The following MESP1 variants were observed in gnomAD, a reference collection of about 807,000 sequenced individuals.
The protein encoded by MESP1 is mesoderm posterior protein 1.
Under a neutral mutation model 15.2 loss-of-function variants are expected in MESP1, and 22 were observed. The observed-to-expected ratio is 1.45, with a 90% CI of 1.04 to 2.07. The LOEUF is 2.07. Among genes scored for constraint, MESP1 ranks in the 30% most tolerant of loss-of-function variants. MESP1 has a pLI of 0.00. For synonymous variants in MESP1, 216 were observed against 192.6 expected (o/e 1.12, Z -1.01); for missense variants, 484 against 411.9 (o/e 1.17, Z -1.51).
downstream of MESP1, among the ~76,000 whole-genome samples, chr15:89,747,305 C>G (rs1967990030): frequency 6.6e-6 from 1 of 152,196 alleles, no homozygotes. Flanking sequence ...TGCAAACCTA[C>G]CCACCTTGCC....
the MESP1 span, among the ~76,000 whole-genome samples, chr15:89,742,793 A>G: frequency 6.6e-6 from 1 of 152,146 alleles, no homozygotes; most frequent in East Asian, 1.9e-4. Context: ...TTGGCCTCCC[A>G]AAGTGCTGGG....
At chr15:89,732,622 C>G in the MESP1 span, among the ~76,000 whole-genome samples, 1 of 151,118 alleles carries the variant, frequency 6.6e-6, no homozygotes, top group Non-Finnish European at 1.5e-5. Context: ...TGGCCACACA[C>G]ACACACACAC....
chr15:89,736,108 TCAAA>T, the MESP1 span, among the ~76,000 whole-genome samples: 1 of 152,156 alleles, frequency 6.6e-6, no homozygotes, highest in Non-Finnish European at 1.5e-5. Flanking sequence ...GGGATGGGGC[TCAAA>T]CAGAGAGGTC....
At chr15:89,744,334 C>T in the MESP1 span, among the ~76,000 whole-genome samples, 16 of 152,310 alleles carry the variant, frequency 1.1e-4, no homozygotes, top group South Asian at 1.2e-3. Flanking sequence ...AAGGTATCCC[C>T]GCCTGAGACA....
rs1968092968 is a variant in MESP1 at position 89,751,131 on chromosome 15, C to T, written c.101G>A (p.Arg34His). ...TGAGTCTGGGGACGAGACGAGGGAG[C>T]GGCCGCAGTCCTTGTCGGAGGGCGG... ...RPPPSDKDCG[R>H]SLVSSPDSWG... is the part of the protein sequence containing the mutation. The change falls in exon 1 of 2, where the codon CGC becomes CAC. Residue 34 changes from arginine to histidine, a missense_variant. Coordinates refer to ENST00000300057, the MANE Select transcript of MESP1 (RefSeq NM_018670.4). 2 of 1,277,850 alleles carry T rather than the reference C, an allele frequency of 1.6e-6. No homozygotes were observed. The highest frequency in any genetic ancestry group is 3.2e-5 in the South Asian group (1 of 31,282). The allele number at this position is 1,277,850 out of a possible 1,614,324, so 79.2% of individuals were successfully genotyped here. A position where few individuals can be genotyped will look rare whatever the true frequency, so the allele number is the denominator to read the frequency against.
downstream of MESP1, among the ~76,000 whole-genome samples, chr15:89,745,863 C>T (rs1967930763): frequency 1.2e-5 from 1 of 80,130 alleles, no homozygotes; most frequent in Admixed American, 1.1e-4. This position sits in a 1 kb window ranked among gnomAD's most constrained non-coding sequence, Gnocchi z 4.8. Context: ...TTCCTCCCCA[C>T]AGGATCCACA....
In MESP1 at chr15:89,750,537, T is replaced by A; in HGVS notation, c.695A>T (p.Gln232Leu). ...GGACGGTGGGCTTGGCTCCATCGCC[T>A]GCCCTTCAGGGCACGCCGCCTCGGC... is the stretch of plus-strand genomic sequence containing the variant. ...LFAEAACPEG[Q>L]AMEPSPPSPL... Residue 232 changes from glutamine to leucine, a missense_variant, in exon 1 of 2, where the codon CAG (glutamine) becomes CTG (leucine). Transcript: ENST00000300057. 6.7e-7 allele frequency: 1 copy of A among 1,495,472 alleles called. No individual in the cohort carries two copies. The highest frequency in any genetic ancestry group is 8.8e-7 in the Non-Finnish European group (1 of 1,130,342). The allele number at this position is 1,495,472 out of a possible 1,614,324, so 92.6% of individuals were successfully genotyped here. A position where few individuals can be genotyped will look rare whatever the true frequency, so the allele number is the denominator to read the frequency against.
chr15:89,746,844 C>T (rs1292315734), downstream of MESP1, among the ~76,000 whole-genome samples: 2 of 147,546 alleles, frequency 1.4e-5, no homozygotes, highest in South Asian at 4.5e-4. Flanking sequence ...CGCCTCCACA[C>T]ACACAGCCCT....
In MESP1 at chr15:89,751,029, G is replaced by C. The variant is rs1968086862; in HGVS notation, c.203C>G (p.Ser68Cys). Residue 68 changes from serine to cysteine, a missense_variant, in exon 1 of 2, where the codon TCC becomes TGC. By Grantham distance (112) the Ser-to-Cys change is moderately radical. Transcript: ENST00000300057. ...PGTLRDPRAP[S>C]VGRRGARSSR... ...GCTGCGCGCGCCGCGCCTACCTACG[G>C]AGGGGGCGCGGGGGTCCCGGAGGGT... The C allele has an allele frequency of 8.9e-6, 12 of 1,352,452 alleles. No individual in the cohort carries two copies. Among genetic ancestry groups the C allele is most frequent in the Non-Finnish European group, 1.0e-5 (11 of 1,060,634 alleles). The allele number at this position is 1,352,452 out of a possible 1,614,324, so 83.8% of individuals were successfully genotyped here. A position where few individuals can be genotyped will look rare whatever the true frequency, so the allele number is the denominator to read the frequency against.
chr15:89,748,662 G>GT (rs1968020764), downstream of MESP1: 1 of 152,182 alleles, frequency 6.6e-6, no homozygotes, highest in Non-Finnish European at 1.5e-5. Flanking sequence ...ACAAAAGGCC[G>GT]TATTTTGCGA....
At chr15:89,747,288 G>A (rs1006102924), downstream of MESP1, among the ~76,000 whole-genome samples, 5 of 152,196 alleles carry the variant, frequency 3.3e-5, no homozygotes, top group Admixed American at 6.6e-5. Context: ...CTGTAAAACA[G>A]AGAGAGTGCA....
chr15:89,736,975 T>A, the MESP1 span, among the ~76,000 whole-genome samples: 1 of 152,058 alleles, frequency 6.6e-6, no homozygotes, highest in African/African-American at 2.4e-5. Context: ...GTATTTTTAG[T>A]AGAGACGAGG....
chr15:89,738,092 CT>C, the MESP1 span: 2 of 1,613,762 alleles, frequency 1.2e-6, no homozygotes, highest in Non-Finnish European at 1.7e-6. Context: ...ATCCAATATT[CT>C]GTTTTCTATT....
In MESP1 at chr15:89,750,653, G is replaced by A. The variant is rs1304799345; in HGVS notation, c.579C>T (p.Ser193=). Residue 193 remains serine (S), a synonymous_variant, in exon 1 of 2, where the codon TCC becomes TCT. Coordinates refer to ENST00000300057, the MANE Select transcript of MESP1 (RefSeq NM_018670.4). The stretch of plus-strand genomic sequence containing the variant: ...CCCAGGACGCCCCGGCGCGGACGGC[G>A]GATACCAGGCCCAGCCCGCGCCCCT... ...QGQGRGLGLV[S]AVRAGASWGS... The A allele has an allele frequency of 1.5e-6, 2 of 1,371,172 alleles. No individual in the cohort carries two copies. Among genetic ancestry groups the A allele is most frequent in the Admixed American group, 3.8e-5 (1 of 26,420 alleles). The allele number at this position is 1,371,172 out of a possible 1,614,324, so 84.9% of individuals were successfully genotyped here. A position where few individuals can be genotyped will look rare whatever the true frequency, so the allele number is the denominator to read the frequency against.
downstream of MESP1, chr15:89,749,847 C>T (rs1331953814): frequency 2.8e-6 from 1 of 359,910 alleles, no homozygotes; most frequent in African/African-American, 2.0e-5. Flanking sequence ...AGCTCTGTGT[C>T]CACGGGTAGG....
At chr15:89,745,407 G>A (rs1967914879), downstream of MESP1, among the ~76,000 whole-genome samples, 1 of 152,158 alleles carries the variant, frequency 6.6e-6, no homozygotes, top group South Asian at 2.1e-4. The surrounding 1 kb of genome is among the most constrained non-coding windows in gnomAD (Gnocchi z 4.8). Flanking sequence ...GGCAGAGCTG[G>A]CCATGCCTGT....
chr15:89,738,121 C>T, the MESP1 span: 85 of 1,614,070 alleles, frequency 5.3e-5, no homozygotes, highest in East Asian at 1.6e-3. Flanking sequence ...TGAGGCCTGC[C>T]CACTCCTGGA....
chr15:89,739,115 CAAAAA>C, the MESP1 span, among the ~76,000 whole-genome samples: 2 of 127,206 alleles, frequency 1.6e-5, no homozygotes, highest in African/African-American at 2.8e-5. Flanking sequence ...GACCCTGCCT[CAAAAA>C]AAAAAAAAAA....
the MESP1 span, chr15:89,743,296 CG>C: frequency 6.2e-7 from 1 of 1,614,136 alleles, no homozygotes; most frequent in South Asian, 1.1e-5. Context: ...CCTCAGCTAT[CG>C]GAAGCTGGAG....
Sources: gnomAD v4.1 joint callset for allele counts (sites outside exome capture counted in the v4.1 genomes callset) on GRCh38, gnomAD v4.1.1 for gene constraint, Gnocchi (gnomAD v3.1) non-coding constraint, MANE v1.5 for transcripts, NCBI Gene and HGNC (gene_info 2026-07-23, HGNC 2026-07-21) for gene names.